The following DOK6 variants were observed in gnomAD, a reference collection of about 807,000 sequenced individuals.
The protein encoded by DOK6 is docking protein 6.
DOK6 carries 22 observed loss-of-function variants against 44.0 expected under a neutral mutation model. The observed-to-expected ratio is 0.50, with a 90% CI of 0.36 to 0.71. The LOEUF (loss-of-function observed/expected upper bound fraction) is 0.71. Ranked by LOEUF, DOK6 falls within the 30% of genes least tolerant of loss-of-function variation. The pLI, the probability that DOK6 is intolerant of heterozygous loss-of-function variation, is 0.00. For synonymous variants in DOK6, 166 were observed against 145.5 expected (o/e 1.14, Z -1.01); for missense variants, 340 against 416.4 (o/e 0.82, Z 1.60).
At chr18:69,464,988 T>C (rs1979884730) in intron 1 of DOK6, among the ~76,000 whole-genome samples, 1 of 152,234 alleles carries the variant, frequency 6.6e-6, no homozygotes, top group Non-Finnish European at 1.5e-5. Flanking sequence ...CTTTACATAT[T>C]GTAATTGGTT....
intron 1 of DOK6, among the ~76,000 whole-genome samples, chr18:69,551,652 T>A (rs2144588963): frequency 6.6e-6 from 1 of 152,302 alleles, no homozygotes; most frequent in South Asian, 2.1e-4. Flanking sequence ...TTAGAAACAC[T>A]ACACAGTCAA....
At position 69,567,834 on chromosome 18, in the gene DOK6, C is replaced by A. The variant is rs534095480; in HGVS notation, c.174+3240C>A. Among the ~76,000 whole-genome samples the A allele has an allele frequency of 1.0e-3, 159 of 152,198 alleles. 1 individual carries two copies. The highest frequency in any genetic ancestry group is 1.5e-3 in the Non-Finnish European group (99 of 68,028). On this transcript the variant is annotated intron_variant, in intron 2 of 7. Transcript: ENST00000382713. ...GTAGATGACACATGGCTTTACTCAG[C>A]AGCTCTCTCACACTGTCTGTCTCAT...
chr18:69,442,797 T>C (rs1979173854), intron 1 of DOK6, among the ~76,000 whole-genome samples: 1 of 151,628 alleles, frequency 6.6e-6, no homozygotes, highest in East Asian at 1.9e-4. Flanking sequence ...TTGCTTATTG[T>C]CTTGAGGACA....
At chr18:69,837,910 G>A (rs185114000) in intron 7 of DOK6, among the ~76,000 whole-genome samples, 4 of 152,316 alleles carry the variant, frequency 2.6e-5, no homozygotes, top group East Asian at 1.9e-4. Flanking sequence ...AGCACTGGCT[G>A]TATGGACTCT....
intron 1 of DOK6, among the ~76,000 whole-genome samples, chr18:69,449,816 G>A (rs1389391821): frequency 1.3e-4 from 19 of 151,444 alleles, no homozygotes; most frequent in African/African-American, 4.6e-4. Context: ...ACCTCACACG[G>A]CAGGGTATTC....
rs531915274 is a variant in DOK6 at position 69,785,603 on chromosome 18, A to G, written c.856+27730A>G. 1.9e-3 allele frequency among the ~76,000 whole-genome samples: 284 copies of G among 152,280 alleles called. 2 individuals are homozygous for G. The highest frequency in any genetic ancestry group is 6.5e-3 in the African/African-American group (270 of 41,578). On this transcript the variant is annotated intron_variant, in intron 7 of 7. Coordinates refer to ENST00000382713, the MANE Select transcript of DOK6 (RefSeq NM_152721.6). Reference sequence around the variant, plus strand: ...ATCTTCTTTTAGGAATAGATTTTCCATTAGTTCATGGGTATGCAGATCTAG... The same window carrying G: ...ATCTTCTTTTAGGAATAGATTTTCCGTTAGTTCATGGGTATGCAGATCTAG...
At chr18:69,429,253 G>A (rs1462706950) in intron 1 of DOK6, among the ~76,000 whole-genome samples, 1 of 152,010 alleles carries the variant, frequency 6.6e-6, no homozygotes, top group Admixed American at 6.6e-5. Context: ...AATTTTAGTA[G>A]CATGGACATA....
chr18:69,745,394 A>G (rs1006292590), intron 6 of DOK6, among the ~76,000 whole-genome samples: 11 of 152,238 alleles, frequency 7.2e-5, no homozygotes, highest in Non-Finnish European at 1.5e-4. Context: ...GACCCAACAT[A>G]CAGACATTAT....
chr18:69,629,986 G>A (rs528742691), intron 3 of DOK6, among the ~76,000 whole-genome samples: 23 of 151,988 alleles, frequency 1.5e-4, no homozygotes, highest in Middle Eastern at 6.8e-3. Flanking sequence ...GGCTGATGTC[G>A]AACTCCTGGC....
At chr18:69,771,609 T>G (rs763568658) in intron 7 of DOK6, among the ~76,000 whole-genome samples, 2 of 151,992 alleles carry the variant, frequency 1.3e-5, no homozygotes, top group Admixed American at 6.6e-5. Flanking sequence ...GGGATGTATC[T>G]CATTTACAGA....
intron 2 of DOK6, among the ~76,000 whole-genome samples, chr18:69,576,838 AT>A (rs1983250199): frequency 6.6e-6 from 1 of 152,156 alleles, no homozygotes; most frequent in Non-Finnish European, 1.5e-5. Flanking sequence ...CAGCTAATAA[AT>A]TTTCCTTAAT....
intron 1 of DOK6, among the ~76,000 whole-genome samples, chr18:69,488,237 C>T (rs987169031): frequency 6.6e-5 from 10 of 152,264 alleles, no homozygotes; most frequent in African/African-American, 2.2e-4. Context: ...ACCTCATGAC[C>T]TCATCTAACC....
At chr18:69,413,898 T>TA (rs1186071037) in intron 1 of DOK6, among the ~76,000 whole-genome samples, 12 of 151,874 alleles carry the variant, frequency 7.9e-5, no homozygotes, top group African/African-American at 2.7e-4. Flanking sequence ...AGTAAATTTT[T>TA]AAAAAACCAT....
At chr18:69,733,977 C>T (rs182064970) in intron 5 of DOK6, among the ~76,000 whole-genome samples, 10 of 152,116 alleles carry the variant, frequency 6.6e-5, no homozygotes, top group Non-Finnish European at 8.8e-5. Context: ...ATATTTTCAC[C>T]GGCAAATTCA....
intron 3 of DOK6, among the ~76,000 whole-genome samples, chr18:69,677,432 A>T (rs1430456550): frequency 6.6e-6 from 1 of 151,588 alleles, no homozygotes; most frequent in Non-Finnish European, 1.5e-5. Flanking sequence ...TTTTAAGTAA[A>T]TTTTCCTCCC....
chr18:69,760,747 T>C (rs1416771751), intron 7 of DOK6, among the ~76,000 whole-genome samples: 8 of 119,738 alleles, frequency 6.7e-5, no homozygotes, highest in African/African-American at 2.0e-4. Flanking sequence ...CAATTATTAC[T>C]ACTCCTGAAA....
At chr18:69,561,003 A>T (rs1982817708) in intron 1 of DOK6, among the ~76,000 whole-genome samples, 1 of 152,162 alleles carries the variant, frequency 6.6e-6, no homozygotes, top group Non-Finnish European at 1.5e-5. Flanking sequence ...GGAGCTGAAT[A>T]TTTATTAGAA....
chr18:69,491,243 A>C (rs1301278874), intron 1 of DOK6, among the ~76,000 whole-genome samples: 1 of 152,232 alleles, frequency 6.6e-6, no homozygotes, highest in Non-Finnish European at 1.5e-5. Context: ...AGTGCAGAAC[A>C]TCTATGGAGT....
intron 1 of DOK6, among the ~76,000 whole-genome samples, chr18:69,447,223 AT>A (rs1398758163): frequency 6.6e-6 from 1 of 152,182 alleles, no homozygotes; most frequent in African/African-American, 2.4e-5. Flanking sequence ...TCTTGAATTA[AT>A]TTTTGTATAT....
Sources: allele counts gnomAD v4.1 joint callset (sites outside exome capture counted in the v4.1 genomes callset), GRCh38; gene constraint gnomAD v4.1.1; transcripts MANE v1.5; gene names NCBI Gene and HGNC (gene_info 2026-07-23, HGNC 2026-07-21).